MYT1L: variants seen among roughly 807,000 people sequenced by gnomAD.
MYT1L encodes myelin transcription factor 1 like, also known as myelin transcription factor 1-like protein.
In MYT1L, 12 loss-of-function variants were observed where a neutral mutation model predicts 126.7. The ratio of observed to expected loss-of-function variants is 0.09; its 90% CI spans 0.06 to 0.15. The LOEUF (loss-of-function observed/expected upper bound fraction) is 0.15, where lower values mean the gene tolerates loss of function less well. Among genes scored for constraint, MYT1L ranks in the 10% least tolerant of loss-of-function variants. The pLI is 1.00. For missense variants in MYT1L, 979 were observed against 1,585.2 expected (o/e 0.62, Z 6.49); for synonymous variants, 541 against 604.2 (o/e 0.90, Z 1.53).
chr2:2,235,814 T>G (rs1283796078), intron 2 of MYT1L, among the ~76,000 whole-genome samples: 4 of 152,150 alleles, frequency 2.6e-5, no homozygotes, highest in African/African-American at 9.7e-5. Flanking sequence ...GGTACGCCCC[T>G]CCCTCATGTA....
rs73911370 is a variant in MYT1L, at chr2:2,114,918, G to A, written c.-304+57954C>T. 2.6e-3 allele frequency among the ~76,000 whole-genome samples: 395 copies of A among 152,344 alleles called. 2 individuals are homozygous for A. The highest frequency in any genetic ancestry group is 9.4e-3 in the African/African-American group (392 of 41,580). On this transcript the variant is annotated intron_variant, in intron 3 of 24. Transcript: ENST00000647738. ...CTGGAAGCCCAGCCCCTTGCTGTGT[G>A]TTGTTCAATCAGAAGATCCACCCAC...
At chr2:1,874,364 T>G (rs1187581961) in intron 18 of MYT1L, among the ~76,000 whole-genome samples, 1 of 152,208 alleles carries the variant, frequency 6.6e-6, no homozygotes, top group Non-Finnish European at 1.5e-5. Flanking sequence ...AAAAGTGCTG[T>G]GTTTTCCTTA....
At chr2:2,160,850 T>C (rs1463163172) in intron 3 of MYT1L, among the ~76,000 whole-genome samples, 1 of 152,142 alleles carries the variant, frequency 6.6e-6, no homozygotes, top group Non-Finnish European at 1.5e-5. Context: ...GGAAAGGCCA[T>C]GTAGACCAAA....
chr2:2,098,171 A>C (rs1559001882), intron 3 of MYT1L, among the ~76,000 whole-genome samples: 1 of 152,182 alleles, frequency 6.6e-6, no homozygotes, highest in Non-Finnish European at 1.5e-5. Context: ...GTAGTGATGC[A>C]AACACACACA....
At chr2:1,872,146 T>C (rs2046355419) in intron 18 of MYT1L, among the ~76,000 whole-genome samples, 1 of 152,064 alleles carries the variant, frequency 6.6e-6, no homozygotes, top group Non-Finnish European at 1.5e-5. Context: ...TGGTCTGGCT[T>C]GGAATCTACA....
At chr2:2,161,139 G>A (rs1178734044) in intron 3 of MYT1L, among the ~76,000 whole-genome samples, 6 of 152,110 alleles carry the variant, frequency 3.9e-5, no homozygotes, top group African/African-American at 1.4e-4. Flanking sequence ...CTTGAACCCG[G>A]GAGGCAGAGG....
rs73913203 is a variant in MYT1L, at chr2:2,125,793, C to T, written c.-304+47079G>A. On this transcript the variant is annotated intron_variant, in intron 3 of 24. Transcript: ENST00000647738. Reference sequence around the variant, plus strand: ...AGTAGAGAATGAAAATGCTTAAAACCATTAATATCATCAACCTAAATAACT... The same window carrying T: ...AGTAGAGAATGAAAATGCTTAAAACTATTAATATCATCAACCTAAATAACT... Among the ~76,000 whole-genome samples, 1,318 of 152,166 alleles carry T rather than the reference C, an allele frequency of 8.7e-3. 21 individuals are homozygous for T. Among genetic ancestry groups the T allele is most frequent in the African/African-American group, 0.026 (1,097 of 41,506 alleles).
intron 3 of MYT1L, among the ~76,000 whole-genome samples, chr2:2,115,525 A>G (rs2080090208): frequency 6.6e-6 from 1 of 152,210 alleles, no homozygotes; most frequent in South Asian, 2.1e-4. Context: ...AAGCGAAGTG[A>G]CAATGAACAG....
intron 2 of MYT1L, among the ~76,000 whole-genome samples, chr2:2,210,805 G>T (rs2093478973): frequency 6.6e-6 from 1 of 152,138 alleles, no homozygotes; most frequent in African/African-American, 2.4e-5. Flanking sequence ...TAAATCTGTA[G>T]ATTTCTTTGG....
chr2:1,869,084 G>A (rs927027759), intron 18 of MYT1L, among the ~76,000 whole-genome samples: 1 of 152,250 alleles, frequency 6.6e-6, no homozygotes, highest in African/African-American at 2.4e-5. Flanking sequence ...TGGCCACCAG[G>A]GCATGGTCTG....
At chr2:2,124,753 G>A (rs2081471659) in intron 3 of MYT1L, among the ~76,000 whole-genome samples, 1 of 152,140 alleles carries the variant, frequency 6.6e-6, no homozygotes, top group Admixed American at 6.5e-5. Context: ...GACTTTTCTG[G>A]AGAACAAGGG....
chr2:2,185,255 A>G (rs544515549), intron 2 of MYT1L, among the ~76,000 whole-genome samples: 1 of 152,384 alleles, frequency 6.6e-6, no homozygotes, highest in African/African-American at 2.4e-5. Flanking sequence ...GGCACTTTCA[A>G]CACACAAAGC....
chr2:2,259,426 CTA>C (rs927002749), intron 2 of MYT1L, among the ~76,000 whole-genome samples: 1 of 148,174 alleles, frequency 6.7e-6, no homozygotes, highest in African/African-American at 2.5e-5. Context: ...AAAAATGGAA[CTA>C]TGTGAGGTGA....
intron 18 of MYT1L, among the ~76,000 whole-genome samples, chr2:1,869,358 T>TG (rs1385219300): frequency 1.3e-5 from 2 of 152,326 alleles, no homozygotes; most frequent in Non-Finnish European, 2.9e-5. Flanking sequence ...GGCACTGAGT[T>TG]GGGGGTCTCA....
intron 18 of MYT1L, among the ~76,000 whole-genome samples, chr2:1,870,974 C>G (rs557435067): frequency 1.3e-5 from 2 of 152,312 alleles, no homozygotes; most frequent in South Asian, 4.1e-4. Context: ...CTGCCCTAGG[C>G]TGGGGCTGTG....
In MYT1L at chr2:2,077,472, GAAAC is replaced by G. The variant is rs1183203456; in HGVS notation, c.-303-23353_-303-23350del. 1.2e-4 allele frequency among the ~76,000 whole-genome samples: 18 copies of G among 152,230 alleles called. No individual in the cohort carries two copies. The South Asian group carries it at 1.7e-3, about 14-fold the overall frequency. The stretch of plus-strand genomic sequence containing the variant: ...AGATAAAAAGGCAGAGAATAGATTT[GAAAC>G]AAACAAACAGACATGATTCAATTAA... On this transcript the variant is annotated intron_variant, in intron 3 of 24. Coordinates refer to ENST00000647738, the MANE Select transcript of MYT1L (RefSeq NM_001303052.2).
chr2:2,064,386 A>T (rs1199748808), intron 3 of MYT1L, among the ~76,000 whole-genome samples: 2 of 152,230 alleles, frequency 1.3e-5, no homozygotes, highest in Non-Finnish European at 1.5e-5. Context: ...AGTTGTTAAC[A>T]GGATAGAAGT....
intron 2 of MYT1L, among the ~76,000 whole-genome samples, chr2:2,198,584 C>T (rs75963094): frequency 1.1e-4 from 17 of 150,578 alleles, no homozygotes; most frequent in Admixed American, 9.3e-4. Context: ...TTAGGCAGGG[C>T]GGGGTGGCTC....
chr2:2,079,585 C>T (rs1472821303), intron 3 of MYT1L, among the ~76,000 whole-genome samples: 4 of 152,120 alleles, frequency 2.6e-5, no homozygotes, highest in Admixed American at 1.3e-4. Context: ...GCGGGTGGAT[C>T]GTGAGGTCAG....
Sources: gnomAD v4.1 joint callset for allele counts (sites outside exome capture counted in the v4.1 genomes callset) on GRCh38, gnomAD v4.1.1 for gene constraint, MANE v1.5 for transcripts, NCBI Gene and HGNC (gene_info 2026-07-23, HGNC 2026-07-21) for gene names.